The following GON4L variants were observed in gnomAD, a reference collection of about 807,000 sequenced individuals.
GON4L encodes GON-4-like protein.
GON4L carries 87 observed loss-of-function variants against 211.8 expected under a neutral mutation model. That is an observed-to-expected ratio of 0.41 (90% CI 0.35 to 0.49). The LOEUF (loss-of-function observed/expected upper bound fraction) is 0.49, where lower values mean the gene tolerates loss of function less well. Ranked by LOEUF, GON4L falls within the 20% of genes least tolerant of loss-of-function variation. The pLI is 0.15. For missense variants in GON4L, 2,155 were observed against 2,659.5 expected, an observed-to-expected ratio of 0.81 and a Z score of 4.17; for synonymous variants, 875 against 962.6, an observed-to-expected ratio of 0.91 and a Z score of 1.68.
chr1:155,779,921 C>T (rs1335793236), intron 14 of GON4L, among the ~76,000 whole-genome samples: 1 of 152,076 alleles, frequency 6.6e-6, no homozygotes, highest in Non-Finnish European at 1.5e-5. Context: ...CCTCAGCCTC[C>T]AGAGTAGCTG....
intron 1 of GON4L, among the ~76,000 whole-genome samples, chr1:155,854,971 T>C (rs1033583387): frequency 1.3e-5 from 2 of 151,446 alleles, no homozygotes; most frequent in African/African-American, 4.9e-5. Context: ...GAGACAGAGG[T>C]TGCAGTGAGC....
At chr1:155,855,373 T>C (rs1040226691) in intron 1 of GON4L, among the ~76,000 whole-genome samples, 1 of 152,180 alleles carries the variant, frequency 6.6e-6, no homozygotes, top group Non-Finnish European at 1.5e-5. Flanking sequence ...GTTTTTTTTT[T>C]TGAAACAAGG....
intron 15 of GON4L, among the ~76,000 whole-genome samples, 177 bp downstream of exon 15, chr1:155,777,445 G>T (rs186298405): frequency 1.3e-3 from 202 of 152,252 alleles, no homozygotes; most frequent in African/African-American, 4.7e-3. Context: ...TGGGTGTGGT[G>T]GTGGATGCCT....
rs751998632 is a variant in GON4L at position 155,766,516 on chromosome 1, G to T, written c.2957C>A (p.Thr986Asn). The change falls in exon 21 of 32, where the codon ACC (threonine) becomes AAC (asparagine). Residue 986 changes from threonine to asparagine, a missense_variant. This residue lies in a region of GON4L where 615 missense variants were observed against 625.7 expected (regional missense o/e 0.98). Coordinates refer to ENST00000368331, the MANE Select transcript of GON4L (RefSeq NM_001282860.2). ...GVVLKLKPVA[T>N]RFPRKAWRQK... ...TCTCCAAGCCTTCCTGGGGAAACGG[G>T]TGGCAACTGGCTTCAGTTTCAGGAC... 4.3e-6 allele frequency: 7 copies of T among 1,613,978 alleles called. No homozygotes were observed. Among genetic ancestry groups the T allele is most frequent in the South Asian group, 2.2e-5 (2 of 91,076 alleles).
At chr1:155,805,878 C>T (rs945368603) in intron 10 of GON4L, among the ~76,000 whole-genome samples, 4 of 151,328 alleles carry the variant, frequency 2.6e-5, no homozygotes, top group African/African-American at 4.9e-5. Flanking sequence ...TTACTAGAAA[C>T]GGAGCTTCAC....
Position 155,765,142 on chromosome 1 carries a change from G to C in GON4L, c.4331C>G (p.Thr1444Ser). ...TCCTCCAGTTTCTGGCCCAACTGGA[G>C]TCCCCACTGACTGACCATCAACACT... Reference protein sequence around the residue: ...SSSVDGQSVGTPVGPETGGEK... With the variant: ...SSSVDGQSVGSPVGPETGGEK... The change falls in exon 21 of 32, where the codon ACT becomes AGT. Residue 1444 changes from threonine to serine, a missense_variant. By Grantham distance (58) the Thr-to-Ser change is moderately conservative. This residue lies in a region of GON4L where 615 missense variants were observed against 625.7 expected (regional missense o/e 0.98). Transcript: ENST00000368331. 1 of 1,614,102 alleles carries C rather than the reference G, an allele frequency of 6.2e-7. No individual in the cohort carries two copies. Among genetic ancestry groups the C allele is most frequent in the Non-Finnish European group, 8.5e-7 (1 of 1,180,014 alleles).
At chr1:155,821,218 A>G (rs947349828) in intron 5 of GON4L, among the ~76,000 whole-genome samples, 5 of 152,230 alleles carry the variant, frequency 3.3e-5, no homozygotes, top group African/African-American at 1.2e-4. Flanking sequence ...ATGAGCCAAG[A>G]TCGCGCCACT....
chr1:155,779,723 A>T (rs1032013277), intron 14 of GON4L, among the ~76,000 whole-genome samples: 4 of 152,180 alleles, frequency 2.6e-5, no homozygotes, highest in Admixed American at 2.6e-4. Context: ...TTTTTGCTTC[A>T]GCCCTGGAAA....
In GON4L at chr1:155,775,152, G is replaced by C. The variant is rs189957651; in HGVS notation, c.2200C>G (p.Gln734Glu). The C allele has an allele frequency of 3.3e-5, 54 of 1,614,180 alleles. No homozygotes were observed. Among genetic ancestry groups the C allele is most frequent in the Non-Finnish European group, 4.4e-5 (52 of 1,180,034 alleles). The change falls in exon 17 of 32, where the codon CAA becomes GAA. Residue 734 changes from glutamine (Q) to glutamate (E), a missense_variant. Transcript: ENST00000368331. ...TGATGGTGAAGGGCGATGGAGCTTT[G>C]AGCAAAGGTTCCCAGCTCTTTCTGG... ...IFLKELGTFA[Q>E]SSIALHHQYN... is the part of the protein sequence containing the mutation.
chr1:155,775,748 C>G (rs894586187), intron 16 of GON4L, among the ~76,000 whole-genome samples: 1 of 151,880 alleles, frequency 6.6e-6, no homozygotes, highest in East Asian at 1.9e-4. Context: ...CACAAGTCAC[C>G]GCACCCAGCC....
rs373307575 is a variant in GON4L, at chr1:155,773,050, C to T, written c.2495+16G>A. On this transcript the variant is annotated intron_variant, in intron 18 of 31. Transcript: ENST00000368331. ...GGGATGTTCTGCTGTTTTGATCCCC[C>T]AGAGTAAACACTTACTTGTCCTCAG... The T allele has an allele frequency of 3.9e-5, 63 of 1,611,648 alleles. No individual in the cohort carries two copies. Among genetic ancestry groups the T allele is most frequent in the South Asian group, 1.1e-5 (1 of 90,990 alleles).
At chr1:155,771,634 G>A (rs1364783943) in intron 18 of GON4L, among the ~76,000 whole-genome samples, 1 of 151,958 alleles carries the variant, frequency 6.6e-6, no homozygotes, top group Non-Finnish European at 1.5e-5. Flanking sequence ...CACCATGCCG[G>A]GCTAATTTTT....
intron 12 of GON4L, among the ~76,000 whole-genome samples, chr1:155,791,425 A>T (rs1471907249): frequency 6.6e-6 from 1 of 152,024 alleles, no homozygotes; most frequent in Non-Finnish European, 1.5e-5. Context: ...AGGTCTGGAC[A>T]CCAAGGCTTT....
intron 3 of GON4L, 39 bp from the exon 4 acceptor site, chr1:155,822,515 A>T (rs1205038067): frequency 1.0e-5 from 15 of 1,497,846 alleles, no homozygotes; most frequent in Non-Finnish European, 1.4e-5. Flanking sequence ...ATTCCAAAAT[A>T]GCTGCTCCAG....
intron 2 of GON4L, among the ~76,000 whole-genome samples, chr1:155,852,782 G>C (rs574823447): frequency 9.2e-5 from 14 of 151,824 alleles, no homozygotes; most frequent in African/African-American, 3.4e-4. Context: ...TGGATATAGC[G>C]AATGGGAGGG....
rs1278127433 is a variant in GON4L at position 155,771,168 on chromosome 1, G to C, written c.2545C>G (p.Pro849Ala). ...GTTAGAAGGTACTTGCTGATTAGAG[G>C]ATTAGGAAACTCAGTTCCTTCAAAA... Reference protein sequence around the residue: ...KHFEGTEFPNPLISKYLLTCK... With the variant: ...KHFEGTEFPNALISKYLLTCK... Residue 849 changes from proline (P) to alanine (A), a missense_variant, in exon 19 of 32, where the codon CCT (proline) becomes GCT (alanine). Pro to Ala is a conservative substitution (Grantham distance 27, BLOSUM62 -1). Transcript: ENST00000368331. 6.2e-7 allele frequency: 1 copy of C among 1,614,142 alleles called. No homozygotes were observed. Among genetic ancestry groups the C allele is most frequent in the Non-Finnish European group, 8.5e-7 (1 of 1,180,000 alleles).
chr1:155,793,115 T>G (rs1464632326), intron 12 of GON4L, among the ~76,000 whole-genome samples: 1 of 152,042 alleles, frequency 6.6e-6, no homozygotes, highest in Non-Finnish European at 1.5e-5. Context: ...ATTTTCTAGG[T>G]TTTTCTTGTA....
intron 17 of GON4L, among the ~76,000 whole-genome samples, chr1:155,774,590 A>G (rs1663575309): frequency 6.6e-6 from 1 of 152,084 alleles, no homozygotes; most frequent in East Asian, 1.9e-4. Flanking sequence ...TACAGGCGTG[A>G]GCCACCGCGC....
At chr1:155,789,237 A>T (rs1269569873) in intron 12 of GON4L, among the ~76,000 whole-genome samples, 1 of 152,182 alleles carries the variant, frequency 6.6e-6, no homozygotes, top group Non-Finnish European at 1.5e-5. Context: ...GTCAAAATTC[A>T]TTAAATGGTA....
Sources: gnomAD v4.1 joint callset for allele counts (sites outside exome capture counted in the v4.1 genomes callset) on GRCh38, gnomAD v4.1.1 for gene constraint, gnomAD v4.1.1 regional missense constraint, MANE v1.5 for transcripts, NCBI Gene and HGNC (gene_info 2026-07-23, HGNC 2026-07-21) for gene names.